The following WWOX variants were observed in gnomAD, a reference collection of about 807,000 sequenced individuals.
WWOX encodes WW domain containing oxidoreductase.
In WWOX, 69 loss-of-function variants were observed where a neutral mutation model predicts 46.2. The observed-to-expected ratio is 1.49, with a 90% CI of 1.23 to 1.82. The LOEUF (loss-of-function observed/expected upper bound fraction) is 1.82, where lower values mean the gene tolerates loss of function less well. Ranked by LOEUF, WWOX falls within the 40% of genes most tolerant of loss-of-function variation. The pLI is 0.00. For missense variants in WWOX, 919 were observed against 542.6 expected, an observed-to-expected ratio of 1.69 and a Z score of -6.89; for synonymous variants, 359 against 202.6, an observed-to-expected ratio of 1.77 and a Z score of -6.56.
intron 8 of WWOX, among the ~76,000 whole-genome samples, chr16:79,194,291 A>C (rs1459533159): frequency 1.3e-5 from 2 of 152,178 alleles, no homozygotes; most frequent in Non-Finnish European, 1.5e-5. Flanking sequence ...TGGCCTTCAA[A>C]GGAAATTTGA....
chr16:79,108,186 C>G, intron 8 of WWOX, among the ~76,000 whole-genome samples: 1 of 152,210 alleles, frequency 6.6e-6, no homozygotes, highest in East Asian at 1.9e-4. Context: ...AGTCCACTGT[C>G]TAAGTGTTAA....
At chr16:78,558,991 C>G (rs1482914963) in intron 8 of WWOX, among the ~76,000 whole-genome samples, 1 of 152,188 alleles carries the variant, frequency 6.6e-6, no homozygotes, top group Non-Finnish European at 1.5e-5. Context: ...TCCCTGACTA[C>G]AAGGACTTTG....
intron 8 of WWOX, among the ~76,000 whole-genome samples, chr16:79,035,066 A>T (rs2047839328): frequency 6.6e-6 from 1 of 152,228 alleles, no homozygotes; most frequent in Admixed American, 6.5e-5. Context: ...ATTGTACTCT[A>T]ATATCCAGTA....
chr16:78,199,200 C>G (rs1283996527), intron 5 of WWOX, among the ~76,000 whole-genome samples: 3 of 152,138 alleles, frequency 2.0e-5, no homozygotes, highest in Admixed American at 6.6e-5. Context: ...GTAATCCAAG[C>G]TACTCGGGAG....
At chr16:78,117,422 G>A (rs2032854571) in intron 4 of WWOX, among the ~76,000 whole-genome samples, 1 of 152,148 alleles carries the variant, frequency 6.6e-6, no homozygotes, top group Admixed American at 6.5e-5. Flanking sequence ...TAGGTGAGTG[G>A]TGAAGATTTT....
chr16:79,047,233 C>T (rs1037853163), intron 8 of WWOX, among the ~76,000 whole-genome samples: 7 of 152,046 alleles, frequency 4.6e-5, no homozygotes, highest in Non-Finnish European at 8.8e-5. Context: ...ATTGTCCTTA[C>T]CCTCATGGAT....
rs114203678 is a variant in WWOX at position 78,613,678 on chromosome 16, C to T, written c.1056+180926C>T. On this transcript the variant is annotated intron_variant, in intron 8 of 8. Transcript: ENST00000566780. ...GATGGCTGCAGAATACCTGGGAAAG[C>T]TAGCTAAGCAGTGACTGGAGGAAGG... is the stretch of plus-strand genomic sequence containing the variant. Among the ~76,000 whole-genome samples, 652 of 152,272 alleles carry T rather than the reference C, an allele frequency of 4.3e-3. 8 individuals carry two copies. Among genetic ancestry groups the T allele is most frequent in the African/African-American group, 0.015 (639 of 41,550 alleles).
At chr16:78,658,519 G>A (rs2047133020) in intron 8 of WWOX, among the ~76,000 whole-genome samples, 2 of 152,132 alleles carry the variant, frequency 1.3e-5, no homozygotes, top group Non-Finnish European at 1.5e-5. Context: ...TGACATCGAG[G>A]TGTTGGCAGA....
At chr16:78,256,268 A>G (rs999210898) in intron 5 of WWOX, among the ~76,000 whole-genome samples, 1 of 151,536 alleles carries the variant, frequency 6.6e-6, no homozygotes, top group Non-Finnish European at 1.5e-5. Context: ...ATGAGACTTC[A>G]TGTCTCTCCT....
intron 8 of WWOX, among the ~76,000 whole-genome samples, chr16:78,507,997 CGTGTGTGTGTGTGT>C (rs959701013): frequency 3.2e-5 from 1 of 30,958 alleles, no homozygotes; most frequent in African/African-American, 4.2e-5. Flanking sequence ...TGGTTGCGTG[CGTGTGTGTGTGTGT>C]GTGTGTGTGT....
intron 5 of WWOX, among the ~76,000 whole-genome samples, chr16:78,351,759 C>T (rs4306520): frequency 0.15 from 22,929 of 152,076 alleles, 2,276 homozygotes; most frequent in East Asian, 0.38. Flanking sequence ...CAGGTTCAAG[C>T]GATTCTCCTC....
intron 8 of WWOX, among the ~76,000 whole-genome samples, chr16:78,921,148 A>C (rs1266206360): frequency 2.0e-5 from 3 of 152,226 alleles, no homozygotes; most frequent in African/African-American, 7.2e-5. Flanking sequence ...CTCTTTAAAA[A>C]AACATAAGGG....
At chr16:78,806,071 A>G (rs1364080263) in intron 8 of WWOX, among the ~76,000 whole-genome samples, 1 of 152,234 alleles carries the variant, frequency 6.6e-6, no homozygotes, top group Non-Finnish European at 1.5e-5. Flanking sequence ...CAGTCAAAGC[A>G]ATAAATATAT....
chr16:78,431,120 C>T (rs780587342), intron 7 of WWOX, among the ~76,000 whole-genome samples: 1 of 152,126 alleles, frequency 6.6e-6, no homozygotes, highest in South Asian at 2.1e-4. Context: ...AGGGAAGTCA[C>T]TATAATGTTG....
chr16:79,010,680 G>A (rs1476407842), intron 8 of WWOX, among the ~76,000 whole-genome samples: 1 of 152,146 alleles, frequency 6.6e-6, no homozygotes, highest in East Asian at 1.9e-4. Flanking sequence ...TTCTCTGGGT[G>A]GTCAAGGAAG....
At chr16:78,533,527 G>C (rs954344661) in intron 8 of WWOX, among the ~76,000 whole-genome samples, 3 of 152,166 alleles carry the variant, frequency 2.0e-5, no homozygotes, top group Non-Finnish European at 4.4e-5. Flanking sequence ...CTATGGTTTG[G>C]ACAAGCTTAG....
chr16:78,243,424 T>C (rs2037721227), intron 5 of WWOX, among the ~76,000 whole-genome samples: 1 of 152,140 alleles, frequency 6.6e-6, no homozygotes, highest in Non-Finnish European at 1.5e-5. Flanking sequence ...GTAAATGACA[T>C]GTCATGGGGG....
intron 8 of WWOX, among the ~76,000 whole-genome samples, chr16:78,700,978 A>C (rs1205208614): frequency 6.6e-6 from 1 of 152,140 alleles, no homozygotes; most frequent in Non-Finnish European, 1.5e-5. Flanking sequence ...GGGGGAAGGA[A>C]GTACAATGTC....
chr16:79,116,359 A>C (rs926099021), intron 8 of WWOX, among the ~76,000 whole-genome samples: 1 of 152,246 alleles, frequency 6.6e-6, no homozygotes, highest in African/African-American at 2.4e-5. Context: ...TTATCTCAAA[A>C]GTGGAATCAG....
Sources: gnomAD v4.1 joint callset for allele counts (sites outside exome capture counted in the v4.1 genomes callset) on GRCh38, gnomAD v4.1.1 for gene constraint, MANE v1.5 for transcripts, NCBI Gene and HGNC (gene_info 2026-07-23, HGNC 2026-07-21) for gene names.